The following ZNF71 variants were observed in gnomAD, a reference collection of about 807,000 sequenced individuals.
ZNF71 encodes endothelial zinc finger protein induced by tumor necrosis factor alpha.
ZNF71 carries 3 observed loss-of-function variants against 6.7 expected under a neutral mutation model. The observed-to-expected ratio is 0.45, with a 90% confidence interval of 0.20 to 1.16. ZNF71 has a LOEUF of 1.16. ZNF71 is among the 50% of genes most tolerant of loss of function. The pLI is 0.25. For synonymous variants in ZNF71, 343 were observed against 311.1 expected (o/e 1.10, Z -1.08); for missense variants, 688 against 728.6 (o/e 0.94, Z 0.64).
chr19:56,596,314 G>A (rs1222004686), intron 1 of ZNF71, among the ~76,000 whole-genome samples: 4 of 152,114 alleles, frequency 2.6e-5, no homozygotes, highest in Admixed American at 6.5e-5. Flanking sequence ...GTTTGCGTGT[G>A]ACTCTGCAGG....
At chr19:56,602,310 C>A (rs567083712) in intron 2 of ZNF71, among the ~76,000 whole-genome samples, 3 of 152,194 alleles carry the variant, frequency 2.0e-5, no homozygotes, top group South Asian at 4.1e-4. Flanking sequence ...TATATGATTT[C>A]TTTAGGAGTG....
Position 56,613,323 on chromosome 19 carries a change from T to A in ZNF71, c.34-489T>A, listed in dbSNP as rs2044766131. On this transcript the variant is annotated intron_variant, in intron 2 of 3. Transcript: ENST00000599599. This position sits in a 1 kb window ranked among gnomAD's most constrained non-coding sequence, Gnocchi z 4.6. ...CACCTGGAGACCTTTGTTCATACCT[T>A]CATGATTGATTGCGTTTACCAAATT... Among the ~76,000 whole-genome samples, 1 of 152,208 alleles carries A rather than the reference T, an allele frequency of 6.6e-6. No homozygotes were observed. The highest frequency in any genetic ancestry group is 2.4e-5 in the African/African-American group (1 of 41,460).
Position 56,622,640 on chromosome 19 carries a change from C to T in ZNF71, c.1533C>T (p.Ser511=). 10 of 1,612,912 alleles carry T rather than the reference C, an allele frequency of 6.2e-6. No individual in the cohort carries two copies. Among genetic ancestry groups the T allele is most frequent in the South Asian group, 1.1e-5 (1 of 90,848 alleles). The change falls in exon 4 of 4, where the codon TCC becomes TCT. Residue 511 remains serine (S), a synonymous_variant. Transcript: ENST00000599599. ...GQCGKSFIKN[S]SLTVHQRIHT... ...GCGGGAAGTCCTTCATCAAGAACTC[C>T]TCCCTCACTGTGCACCAGCGGATCC...
intron 1 of ZNF71, among the ~76,000 whole-genome samples, chr19:56,595,634 G>A (rs995909231): frequency 2.6e-5 from 4 of 152,140 alleles, no homozygotes; most frequent in Non-Finnish European, 5.9e-5. Context: ...TGGGTTGGAG[G>A]TAGGAAAGTT....
intron 1 of ZNF71, among the ~76,000 whole-genome samples, 157 bp downstream of exon 1, chr19:56,595,585 G>C (rs1040190821): frequency 1.3e-5 from 2 of 152,146 alleles, no homozygotes; most frequent in Non-Finnish European, 2.9e-5. Flanking sequence ...AGGCTGAGGG[G>C]CTGAGGAGAG....
Position 56,598,473 on chromosome 19 carries a change from G to A in ZNF71, c.-52-3034G>A, listed in dbSNP as rs1346945387. ...TTAGCCCAGAGGACATTTTCACTGAGTGATTACAGTTGGCCAGGTGTGGTG... is the reference window on the plus strand; with the variant it reads ...TTAGCCCAGAGGACATTTTCACTGAATGATTACAGTTGGCCAGGTGTGGTG... On this transcript the variant is annotated intron_variant, in intron 1 of 3. Transcript: ENST00000599599. This position sits in a 1 kb window ranked among gnomAD's most constrained non-coding sequence, Gnocchi z 4.2. Among the ~76,000 whole-genome samples, 1 of 152,206 alleles carries A rather than the reference G, an allele frequency of 6.6e-6. No homozygotes were observed. The highest frequency in any genetic ancestry group is 2.4e-5 in the African/African-American group (1 of 41,438).
intron 3 of ZNF71, 33 bp from the exon 4 acceptor site, chr19:56,621,235 T>C: frequency 6.6e-7 from 1 of 1,512,610 alleles, no homozygotes; most frequent in Non-Finnish European, 8.8e-7. Flanking sequence ...TTTAACTACA[T>C]GTATTTGCAT....
chr19:56,595,680 C>T (rs1157786870), intron 1 of ZNF71, among the ~76,000 whole-genome samples: 1 of 152,018 alleles, frequency 6.6e-6, no homozygotes, highest in Non-Finnish European at 1.5e-5. Flanking sequence ...GGGAAGGTGG[C>T]CTGTGTGAGA....
chr19:56,609,815 G>C (rs200674127), intron 2 of ZNF71: 49 of 151,032 alleles, frequency 3.2e-4, no homozygotes, highest in African/African-American at 1.1e-3. Flanking sequence ...CATAAATGAG[G>C]CATACGGTAT....
Position 56,613,709 on chromosome 19 carries a change from C to T in ZNF71, c.34-103C>T. ...CATCTTATTGAAATCACTTCAGCTACATCCCATCTGCCTCCCCTAAATCCT... is the reference window on the plus strand; with the variant it reads ...CATCTTATTGAAATCACTTCAGCTATATCCCATCTGCCTCCCCTAAATCCT... On this transcript the variant is annotated intron_variant, in intron 2 of 3. Transcript: ENST00000599599. This position sits in a 1 kb window ranked among gnomAD's most constrained non-coding sequence, Gnocchi z 4.6. 1 of 942,546 alleles carries T rather than the reference C, an allele frequency of 1.1e-6. No homozygotes were observed. Among genetic ancestry groups the T allele is most frequent in the African/African-American group, 1.8e-5 (1 of 56,488 alleles). The allele number at this position is 942,546 out of a possible 1,614,324, so 58.4% of individuals were successfully genotyped here.
Position 56,598,588 on chromosome 19 carries a change from A to G in ZNF71, c.-52-2919A>G, listed in dbSNP as rs2044643578. On this transcript the variant is annotated intron_variant, in intron 1 of 3. Transcript: ENST00000599599. This position sits in a 1 kb window ranked among gnomAD's most constrained non-coding sequence, Gnocchi z 4.2. ...AACAGGGCTTCTCAACCTCCACACT[A>G]CTGACCTTTGGGCCTGATCATTCTT... Among the ~76,000 whole-genome samples, 1 of 152,148 alleles carries G rather than the reference A, an allele frequency of 6.6e-6. No homozygotes were observed. Among genetic ancestry groups the G allele is most frequent in the African/African-American group, 2.4e-5 (1 of 41,422 alleles).
At chr19:56,595,975 T>C (rs1227954394) in intron 1 of ZNF71, among the ~76,000 whole-genome samples, 1 of 149,812 alleles carries the variant, frequency 6.7e-6, no homozygotes, top group Non-Finnish European at 1.5e-5. Flanking sequence ...GTGTGGGTCA[T>C]GTGTGGTAGC....
intron 3 of ZNF71, among the ~76,000 whole-genome samples, chr19:56,616,738 GC>G (rs2044794735): frequency 6.6e-6 from 1 of 152,142 alleles, no homozygotes; most frequent in Non-Finnish European, 1.5e-5. Context: ...AACTCTATCT[GC>G]CTTGGTCTCT....
Position 56,624,152 on chromosome 19 carries a change from G to C in ZNF71, c.*1395G>C, listed in dbSNP as rs1011398936. 2 of 166,410 alleles carry C rather than the reference G, an allele frequency of 1.2e-5. No homozygotes were observed. Among genetic ancestry groups the C allele is most frequent in the Admixed American group, 1.3e-4 (2 of 15,266 alleles). 10.3% of individuals were successfully genotyped at this position (166,410 alleles called of 1,614,324 possible). A position where few individuals can be genotyped will look rare whatever the true frequency, so the allele number is the denominator to read the frequency against. Reference sequence around the variant, plus strand: ...AGTTGTTCCACACTCCCTGACACTGGTGTACACAAATAAATAATACAGAAA... The same window carrying C: ...AGTTGTTCCACACTCCCTGACACTGCTGTACACAAATAAATAATACAGAAA... On this transcript the variant is annotated 3_prime_UTR_variant, in exon 4 of 4. Coordinates refer to ENST00000599599, the MANE Select transcript of ZNF71 (RefSeq NM_001370215.1).
chr19:56,595,853 T>TTGTGTGTGTGTGTGTGTGTGTGTG (rs60371305), intron 1 of ZNF71, among the ~76,000 whole-genome samples: 2 of 137,500 alleles, frequency 1.5e-5, no homozygotes, highest in African/African-American at 2.8e-5. Flanking sequence ...GTGTGTGTGT[T>TTGTGTGTGTGTGTGTGTGTGTGTG]TGTGTGTGTG....
chr19:56,617,112 G>GTTTTGTTT lies in ZNF71; in HGVS notation c.160+3178_160+3179insGTTTTTTT, dbSNP rs1555776017. 2.7e-4 allele frequency among the ~76,000 whole-genome samples: 38 copies of GTTTTGTTT among 140,682 alleles called. 1 individual carries two copies. The East Asian group carries it at 2.9e-3, about 11-fold the overall frequency. 92.3% of individuals were successfully genotyped at this position (140,682 alleles called of 152,430 possible). A position where few individuals can be genotyped will look rare whatever the true frequency, so the allele number is the denominator to read the frequency against. The stretch of plus-strand genomic sequence containing the variant: ...TTACAGGAGACTTCCATTTTCTTTT[G>GTTTTGTTT]TTTTTTTTTGTTTTTTTTGAGACAG... On this transcript the variant is annotated intron_variant, in intron 3 of 3. Coordinates refer to ENST00000599599, the MANE Select transcript of ZNF71 (RefSeq NM_001370215.1).
rs748784485 is a variant in ZNF71 at position 56,617,112 on chromosome 19, G to GTTTTTT, written c.160+3178_160+3183dup. 9.5e-3 allele frequency among the ~76,000 whole-genome samples: 1,333 copies of GTTTTTT among 140,486 alleles called. 97 individuals are homozygous for GTTTTTT. The East Asian group carries it at 0.1, about 11-fold the overall frequency. 92.2% of individuals were successfully genotyped at this position (140,486 alleles called of 152,430 possible). A position where few individuals can be genotyped will look rare whatever the true frequency, so the allele number is the denominator to read the frequency against. On this transcript the variant is annotated intron_variant, in intron 3 of 3. Transcript: ENST00000599599. ...TTACAGGAGACTTCCATTTTCTTTT[G>GTTTTTT]TTTTTTTTTGTTTTTTTTGAGACAG...
chr19:56,622,736 C>T lies in ZNF71; in HGVS notation c.1629C>T (p.Arg543=), dbSNP rs1301687174. The T allele has an allele frequency of 6.2e-7, 1 of 1,604,992 alleles. No individual in the cohort carries two copies. Among genetic ancestry groups the T allele is most frequent in the South Asian group, 1.1e-5 (1 of 89,374 alleles). The change falls in exon 4 of 4, where the codon CGC becomes CGT. Residue 543 remains arginine (R), a synonymous_variant. Transcript: ENST00000599599. The part of the protein sequence containing the change: ...KTFSRNTNLT[R]HLRIHT ...TCAGCCGCAACACGAACCTGACGCGCCACCTGCGGATTCACACCTGAGCGC... is the reference window on the plus strand; with the variant it reads ...TCAGCCGCAACACGAACCTGACGCGTCACCTGCGGATTCACACCTGAGCGC...
chr19:56,615,899 C>T (rs1020623407), intron 3 of ZNF71, among the ~76,000 whole-genome samples: 2 of 152,068 alleles, frequency 1.3e-5, no homozygotes, highest in African/African-American at 4.8e-5. Context: ...GTGTTTTATT[C>T]TAAGGTTTTA....
Sources: gnomAD v4.1 joint callset for allele counts (sites outside exome capture counted in the v4.1 genomes callset) on GRCh38, gnomAD v4.1.1 for gene constraint, Gnocchi (gnomAD v3.1) non-coding constraint, MANE v1.5 for transcripts, NCBI Gene and HGNC (gene_info 2026-07-23, HGNC 2026-07-21) for gene names.